TRIM2: variants seen among roughly 807,000 people sequenced by gnomAD.
TRIM2 encodes tripartite motif-containing protein 2.
In TRIM2, 20 loss-of-function variants were observed where a neutral mutation model predicts 75.2. That is an observed-to-expected ratio of 0.27 (90% confidence interval 0.19 to 0.39). The LOEUF is 0.39. Among genes scored for constraint, TRIM2 ranks in the 10% least tolerant of loss-of-function variants. The pLI is 1.00. For synonymous variants in TRIM2, 373 were observed against 388.3 expected (o/e 0.96, Z 0.46); for missense variants, 660 against 990.8 (o/e 0.67, Z 4.48).
intron 1 of TRIM2, among the ~76,000 whole-genome samples, chr4:153,188,187 CG>C (rs1732807466): frequency 6.6e-6 from 1 of 152,176 alleles, no homozygotes; most frequent in South Asian, 2.1e-4. Flanking sequence ...GGGCCAGGCG[CG>C]GTGGCTCACG....
rs142457664 is a variant in TRIM2, at chr4:153,239,832, C to CTTTTTTTTTTTTTTTTTTTTTTTTTTTT, written c.31-30502_31-30501insTTTTTTTTTTTTTTTTTTTTTTTTTTTT. 1.4e-5 allele frequency among the ~76,000 whole-genome samples: 2 copies of CTTTTTTTTTTTTTTTTTTTTTTTTTTTT among 139,448 alleles called. 1 individual carries two copies. The allele number at this position is 139,448 out of a possible 152,430, so 91.5% of individuals were successfully genotyped here. On this transcript the variant is annotated intron_variant, in intron 1 of 11. Coordinates refer to ENST00000338700, the MANE Select transcript of TRIM2 (RefSeq NM_015271.5). Reference sequence around the variant, plus strand: ...GCATGACAGCATCCTAACTTTCTTTCTCTTTTTTTTTTTTTTTTTTGTAAG... The same window carrying CTTTTTTTTTTTTTTTTTTTTTTTTTTTT: ...GCATGACAGCATCCTAACTTTCTTTCTTTTTTTTTTTTTTTTTTTTTTTTTTTTTCTTTTTTTTTTTTTTTTTTGTAAG...
intron 3 of TRIM2, among the ~76,000 whole-genome samples, chr4:153,276,675 A>G (rs1758100154): frequency 6.6e-6 from 1 of 152,232 alleles, no homozygotes; most frequent in African/African-American, 2.4e-5. Context: ...TGTGGGTACC[A>G]TCAAGTAACT....
chr4:153,324,525 T>C (rs972255995), intron 10 of TRIM2: 3 of 221,330 alleles, frequency 1.4e-5, no homozygotes, highest in African/African-American at 7.2e-5. Context: ...AAAAATTAGA[T>C]GTTCGACTCT....
rs534274489 is a variant in TRIM2 at position 153,263,008 on chromosome 4, A to G, written c.31-7327A>G. ...TATGTCACTAATGTTTACCCTCTGG[A>G]TGATGGTTTATGTTGCTAAGCATTA... On this transcript the variant is annotated intron_variant, in intron 1 of 11. Coordinates refer to ENST00000338700, the MANE Select transcript of TRIM2 (RefSeq NM_015271.5). Among the ~76,000 whole-genome samples, 73 of 152,212 alleles carry G rather than the reference A, an allele frequency of 4.8e-4. 1 individual carries two copies. The highest frequency in any genetic ancestry group is 1.7e-3 in the African/African-American group (71 of 41,518).
At chr4:153,217,550 TAAA>T (rs1158025444) in intron 1 of TRIM2, among the ~76,000 whole-genome samples, 1 of 152,028 alleles carries the variant, frequency 6.6e-6, no homozygotes, top group East Asian at 1.9e-4. Flanking sequence ...AACCAGCACT[TAAA>T]AAAGAGAGTC....
intron 3 of TRIM2, among the ~76,000 whole-genome samples, chr4:153,282,974 G>T (rs182701002): frequency 8.6e-5 from 13 of 151,414 alleles, no homozygotes; most frequent in African/African-American, 3.2e-4. Flanking sequence ...TAAGAGATAG[G>T]TTTTGCTATG....
At chr4:153,193,869 A>G (rs954031428) in intron 1 of TRIM2, among the ~76,000 whole-genome samples, 1 of 152,154 alleles carries the variant, frequency 6.6e-6, no homozygotes, top group Non-Finnish European at 1.5e-5. Flanking sequence ...CAAGTGTGGG[A>G]GAGACGAACT....
intron 6 of TRIM2, 88 bp from the exon 7 acceptor site, chr4:153,315,397 C>A: frequency 1.9e-6 from 2 of 1,055,488 alleles, no homozygotes; most frequent in Non-Finnish European, 1.4e-6. Flanking sequence ...TTCTCAGGTA[C>A]CTGTGGAAAT....
chr4:153,287,559 T>C (rs1432674600), intron 3 of TRIM2, among the ~76,000 whole-genome samples: 2 of 152,352 alleles, frequency 1.3e-5, no homozygotes, highest in Non-Finnish European at 1.5e-5. Context: ...TGAACCATTT[T>C]GATTCCCTTC....
chr4:153,292,914 G>T (rs1725645154), intron 3 of TRIM2, 68 bp from the exon 4 acceptor site: 1 of 1,369,876 alleles, frequency 7.3e-7, no homozygotes, highest in Admixed American at 2.7e-5. Context: ...TGCAAGGCAA[G>T]TGCTTAGTGT....
At chr4:153,153,411 C>T (rs1278639504) in intron 1 of TRIM2, 1 of 151,576 alleles carries the variant, frequency 6.6e-6, no homozygotes, top group Admixed American at 6.6e-5. Context: ...AGACGCGCGT[C>T]GCCACGCCTC....
chr4:153,252,516 A>C (rs1751108451), intron 1 of TRIM2, among the ~76,000 whole-genome samples: 1 of 152,132 alleles, frequency 6.6e-6, no homozygotes. Flanking sequence ...CTATGAAGGT[A>C]CTTTCTTTTT....
intron 3 of TRIM2, among the ~76,000 whole-genome samples, chr4:153,291,221 C>A (rs1207942593): frequency 6.6e-6 from 1 of 152,152 alleles, no homozygotes; most frequent in Non-Finnish European, 1.5e-5. Context: ...GTAGTATGAG[C>A]AAGCTGAGTG....
intron 1 of TRIM2, among the ~76,000 whole-genome samples, chr4:153,249,288 C>T (rs536743309): frequency 5.9e-5 from 9 of 152,246 alleles, no homozygotes; most frequent in African/African-American, 2.2e-4. Flanking sequence ...GAGCGCAGCT[C>T]GGCTCCCGCC....
In TRIM2 at chr4:153,322,671, G is replaced by A; in HGVS notation, c.1806G>A (p.Leu602=). 1.2e-6 allele frequency: 2 copies of A among 1,613,962 alleles called. No homozygotes were observed. The highest frequency in any genetic ancestry group is 1.7e-6 in the Non-Finnish European group (2 of 1,179,896). The change falls in exon 9 of 12, where the codon CTG becomes CTA. Residue 602 remains leucine (L), a synonymous_variant. Transcript: ENST00000338700. ...AGACAAAAATTGGATCAGGAAAGCTGATGGGACCCAAAGGAGTTTCTGTGG... is the reference window on the plus strand; with the variant it reads ...AGACAAAAATTGGATCAGGAAAGCTAATGGGACCCAAAGGAGTTTCTGTGG... ...KFKTKIGSGK[L]MGPKGVSVDR...
intron 1 of TRIM2, among the ~76,000 whole-genome samples, chr4:153,196,280 C>T (rs996346389): frequency 2.0e-5 from 3 of 150,364 alleles, no homozygotes; most frequent in African/African-American, 7.5e-5. Flanking sequence ...CCCACACACA[C>T]ACACACACAA....
intron 3 of TRIM2, among the ~76,000 whole-genome samples, chr4:153,290,205 A>G (rs190247170): frequency 6.6e-6 from 1 of 152,328 alleles, no homozygotes; most frequent in Admixed American, 6.5e-5. Flanking sequence ...ATGCTCATTT[A>G]TCCTGCCTTC....
intron 1 of TRIM2, among the ~76,000 whole-genome samples, chr4:153,226,962 T>C (rs944792151): frequency 1.3e-5 from 2 of 152,200 alleles, no homozygotes; most frequent in Non-Finnish European, 2.9e-5. Context: ...ATCTGGAAAG[T>C]ACAATAGCCT....
At chr4:153,287,911 A>G (rs1393786193) in intron 3 of TRIM2, among the ~76,000 whole-genome samples, 1 of 152,156 alleles carries the variant, frequency 6.6e-6, no homozygotes, top group Admixed American at 6.5e-5. Context: ...TAGTGTATCA[A>G]ATCAGGTCAG....
Sources: gnomAD v4.1 joint callset for allele counts (sites outside exome capture counted in the v4.1 genomes callset) on GRCh38, gnomAD v4.1.1 for gene constraint, MANE v1.5 for transcripts, NCBI Gene and HGNC (gene_info 2026-07-23, HGNC 2026-07-21) for gene names.